Variants in MACROD2 observed in about 807,000 individuals in gnomAD.
MACROD2 encodes the protein mono-ADP ribosylhydrolase 2.
MACROD2 carries 36 observed loss-of-function variants against 70.4 expected under a neutral mutation model. That is an observed-to-expected ratio of 0.51 (90% CI 0.39 to 0.68). The LOEUF is 0.68. MACROD2 is among the 30% of genes least tolerant of loss of function. The pLI, the probability that MACROD2 is intolerant of heterozygous loss-of-function variation, is 0.00. For synonymous variants in MACROD2, 172 were observed against 178.8 expected, an observed-to-expected ratio of 0.96 and a Z score of 0.30; for missense variants, 496 against 538.4, an observed-to-expected ratio of 0.92 and a Z score of 0.78.
chr20:14,962,012 C>T (rs1259055410), intron 5 of MACROD2, among the ~76,000 whole-genome samples: 1 of 151,890 alleles, frequency 6.6e-6, no homozygotes, highest in Non-Finnish European at 1.5e-5. Context: ...CGGAGTCTCA[C>T]TCTCGCTCAG....
intron 12 of MACROD2, among the ~76,000 whole-genome samples, chr20:15,942,575 T>G (rs565568094): frequency 6.6e-6 from 1 of 152,288 alleles, no homozygotes; most frequent in South Asian, 2.1e-4. Context: ...AAAAACAAAT[T>G]TAGGAGTACA....
intron 8 of MACROD2, among the ~76,000 whole-genome samples, chr20:15,701,152 C>T (rs918333951): frequency 2.0e-5 from 3 of 152,228 alleles, no homozygotes; most frequent in Admixed American, 6.5e-5. Flanking sequence ...TGGAGCACCT[C>T]ACATTTATTT....
intron 5 of MACROD2, among the ~76,000 whole-genome samples, chr20:15,055,157 C>T (rs2075474576): frequency 6.6e-6 from 1 of 152,096 alleles, no homozygotes; most frequent in Non-Finnish European, 1.5e-5. Context: ...GCCATGTTGG[C>T]CAGGCTGGTC....
intron 3 of MACROD2, among the ~76,000 whole-genome samples, chr20:14,230,655 A>ATATATATATATATATATATATATATAT (rs1569217393): frequency 2.6e-5 from 1 of 38,034 alleles, no homozygotes; most frequent in Admixed American, 4.0e-4. Flanking sequence ...ATATATATAT[A>ATATATATATATATATATATATATATAT]ACACAGGCTG....
chr20:16,012,067 G>A (rs2147528917), intron 15 of MACROD2, among the ~76,000 whole-genome samples: 1 of 152,322 alleles, frequency 6.6e-6, no homozygotes, highest in South Asian at 2.1e-4. Flanking sequence ...GGAACATGAA[G>A]AGATTCTCGG....
intron 13 of MACROD2, among the ~76,000 whole-genome samples, chr20:15,983,448 C>T (rs918825157): frequency 2.1e-4 from 32 of 152,128 alleles, no homozygotes; most frequent in Admixed American, 3.9e-4. Flanking sequence ...GGATGAACAA[C>T]GGCTGACTGA....
At chr20:14,681,533 A>G (rs973929183) in intron 4 of MACROD2, among the ~76,000 whole-genome samples, 1 of 152,188 alleles carries the variant, frequency 6.6e-6, no homozygotes, top group Non-Finnish European at 1.5e-5. Flanking sequence ...GTTATATAGC[A>G]GGTAAAACAG....
intron 12 of MACROD2, among the ~76,000 whole-genome samples, chr20:15,939,423 C>A (rs1176985329): frequency 6.6e-6 from 1 of 152,204 alleles, no homozygotes; most frequent in African/African-American, 2.4e-5. Flanking sequence ...CCCACCTGTG[C>A]TCTGTAAATG....
chr20:15,222,692 T>G (rs2076872165), intron 5 of MACROD2, among the ~76,000 whole-genome samples: 1 of 152,176 alleles, frequency 6.6e-6, no homozygotes. Flanking sequence ...AATGTGTAAT[T>G]GATTCTACAC....
intron 6 of MACROD2, among the ~76,000 whole-genome samples, chr20:15,235,374 GA>G (rs2077004772): frequency 6.6e-6 from 1 of 152,170 alleles, no homozygotes; most frequent in South Asian, 2.1e-4. Flanking sequence ...TTTTTTGAAT[GA>G]AAAAACATTG....
At chr20:15,130,866 G>T (rs931555384) in intron 5 of MACROD2, among the ~76,000 whole-genome samples, 5 of 152,048 alleles carry the variant, frequency 3.3e-5, no homozygotes, top group Non-Finnish European at 5.9e-5. Flanking sequence ...AGGCTCAGAG[G>T]CCCTGAGGTG....
chr20:14,791,030 G>T (rs1002384176), intron 5 of MACROD2, among the ~76,000 whole-genome samples: 1 of 152,082 alleles, frequency 6.6e-6, no homozygotes, highest in Non-Finnish European at 1.5e-5. Flanking sequence ...GGACAGAGAG[G>T]CAGGGCAGCC....
At chr20:14,196,766 T>A (rs1302232074) in intron 3 of MACROD2, among the ~76,000 whole-genome samples, 1 of 152,258 alleles carries the variant, frequency 6.6e-6, no homozygotes, top group African/African-American at 2.4e-5. Context: ...GTCTCCTCTT[T>A]CTCTGTAGAA....
At chr20:15,185,178 A>G (rs2076526449) in intron 5 of MACROD2, among the ~76,000 whole-genome samples, 1 of 152,180 alleles carries the variant, frequency 6.6e-6, no homozygotes, top group South Asian at 2.1e-4. Context: ...GGTTCCCATA[A>G]ACATTTGTCA....
intron 8 of MACROD2, among the ~76,000 whole-genome samples, chr20:15,581,249 C>T (rs409303): frequency 0.29 from 44,134 of 152,060 alleles, 6,625 homozygotes; most frequent in African/African-American, 0.34. Flanking sequence ...AATATATTTG[C>T]AATCCAACCA....
chr20:14,998,730 A>G (rs1315691643), intron 5 of MACROD2, among the ~76,000 whole-genome samples: 1 of 152,232 alleles, frequency 6.6e-6, no homozygotes, highest in African/African-American at 2.4e-5. Context: ...GGATAATAAC[A>G]GAGAACTTTC....
intron 5 of MACROD2, 94 bp from the exon 6 acceptor site, chr20:15,229,846 A>C: frequency 7.7e-7 from 1 of 1,300,304 alleles, no homozygotes; most frequent in Non-Finnish European, 1.0e-6. Flanking sequence ...TCCAGGCTCT[A>C]ACACAAATAC....
At chr20:14,472,226 T>A (rs2084538989) in intron 3 of MACROD2, among the ~76,000 whole-genome samples, 2 of 152,200 alleles carry the variant, frequency 1.3e-5, no homozygotes, top group African/African-American at 4.8e-5. Context: ...TGAGGAATAT[T>A]TACTTCTGTA....
At chr20:14,878,341 C>A (rs2073572911) in intron 5 of MACROD2, among the ~76,000 whole-genome samples, 2 of 152,088 alleles carry the variant, frequency 1.3e-5, no homozygotes, top group Non-Finnish European at 2.9e-5. Flanking sequence ...ACTGGAAATG[C>A]TACATCTCCA....
Sources: gnomAD v4.1 joint callset for allele counts (sites outside exome capture counted in the v4.1 genomes callset) on GRCh38, gnomAD v4.1.1 for gene constraint, MANE v1.5 for transcripts, NCBI Gene and HGNC (gene_info 2026-07-23, HGNC 2026-07-21) for gene names.